The following HEPACAM2 variants were observed in gnomAD, a reference collection of about 807,000 sequenced individuals.
HEPACAM2 encodes the protein HEPACAM family member 2.
HEPACAM2 carries 49 observed loss-of-function variants against 49.6 expected under a neutral mutation model. The ratio of observed to expected loss-of-function variants is 0.99; its 90% CI spans 0.78 to 1.25. The LOEUF (loss-of-function observed/expected upper bound fraction) is 1.25. HEPACAM2 is among the 50% of genes most tolerant of loss of function. The probability of loss-of-function intolerance (pLI) is 0.00; values close to 1 mark genes in which losing one functional copy is unlikely to be tolerated. For synonymous variants in HEPACAM2, 197 were observed against 202.9 expected, an observed-to-expected ratio of 0.97 and a Z score of 0.25; for missense variants, 525 against 557.2, an observed-to-expected ratio of 0.94 and a Z score of 0.58.
At chr7:93,222,461 G>T (rs1369484133) in intron 1 of HEPACAM2, among the ~76,000 whole-genome samples, 2 of 151,796 alleles carry the variant, frequency 1.3e-5, no homozygotes, top group East Asian at 3.9e-4. Context: ...CCTGATCTTG[G>T]ACTCCCATGT....
chr7:93,192,988 G>T (rs771629321), intron 8 of HEPACAM2, among the ~76,000 whole-genome samples: 9 of 152,054 alleles, frequency 5.9e-5, no homozygotes, highest in Non-Finnish European at 1.3e-4. Context: ...TGGTATTTGT[G>T]TTTTATTAAT....
chr7:93,208,535 G>T (rs1436260035), intron 4 of HEPACAM2, 45 bp downstream of exon 4: 1 of 1,520,128 alleles, frequency 6.6e-7, no homozygotes. Flanking sequence ...AGGCCAGCAT[G>T]CATTCATGTT....
At chr7:93,199,264 TA>T (rs1793818043) in intron 4 of HEPACAM2, among the ~76,000 whole-genome samples, 2 of 152,102 alleles carry the variant, frequency 1.3e-5, no homozygotes, top group Non-Finnish European at 2.9e-5. Context: ...CTAGAAGAAA[TA>T]AATGCAAGGC....
In HEPACAM2 at chr7:93,226,412, T is replaced by A; in HGVS notation, c.35A>T (p.Asp12Val). ...GQDAFMEPFGDTLGVFQCKIY... is the reference protein window; with the variant it reads ...GQDAFMEPFGVTLGVFQCKIY... ...TTTGCACTGAAAGACCCCAAGTGTG[T>A]CACCGAAGGGCTCCATGAAAGCATC... Residue 12 changes from aspartate to valine, a missense_variant, in exon 1 of 10, where the codon GAC (aspartate) becomes GTC (valine). Asp to Val is a radical substitution (Grantham distance 152). Transcript: ENST00000394468. 1 of 1,613,506 alleles carries A rather than the reference T, an allele frequency of 6.2e-7. No individual in the cohort carries two copies. The highest frequency in any genetic ancestry group is 8.5e-7 in the Non-Finnish European group (1 of 1,179,656).
At chr7:93,212,509 C>A (rs187125562) in intron 3 of HEPACAM2, among the ~76,000 whole-genome samples, 3 of 150,566 alleles carry the variant, frequency 2.0e-5, no homozygotes, top group East Asian at 1.9e-4. Context: ...AAGAAATGCA[C>A]GGTTTTTTTT....
At chr7:93,192,492 A>G (rs1460189536) in intron 8 of HEPACAM2, 129 bp from the exon 9 acceptor site, 1 of 681,744 alleles carries the variant, frequency 1.5e-6, no homozygotes, top group Non-Finnish European at 2.5e-6. Flanking sequence ...TCTTCCCTAG[A>G]AAGTTGACTT....
intron 4 of HEPACAM2, among the ~76,000 whole-genome samples, chr7:93,202,345 TAAAG>T (rs981709698): frequency 1.3e-5 from 2 of 151,978 alleles, no homozygotes; most frequent in African/African-American, 4.8e-5. Context: ...CAGTTACAGA[TAAAG>T]AAAGAGTCTC....
chr7:93,196,264 TA>T (rs1288312251), intron 7 of HEPACAM2, among the ~76,000 whole-genome samples: 1 of 152,162 alleles, frequency 6.6e-6, no homozygotes, highest in Non-Finnish European at 1.5e-5. Flanking sequence ...CCACCCGTAA[TA>T]TCTACTGCAC....
chr7:93,189,094 A>T lies in HEPACAM2; in HGVS notation c.*173T>A, dbSNP rs1212859602. On this transcript the variant is annotated 3_prime_UTR_variant, in exon 10 of 10. Transcript: ENST00000394468. ...ACAAGACATTGTGTATATGCTGAAA[A>T]ACCTGCAGTTCAATTTGCATAAATG... 2 of 525,796 alleles carry T rather than the reference A, an allele frequency of 3.8e-6. No homozygotes were observed. The highest frequency in any genetic ancestry group is 6.7e-6 in the Non-Finnish European group (2 of 297,586). 32.6% of individuals were successfully genotyped at this position (525,796 alleles called of 1,614,324 possible). A position where few individuals can be genotyped will look rare whatever the true frequency, so the allele number is the denominator to read the frequency against.
At chr7:93,223,425 AAATAC>A (rs1794486487) in intron 1 of HEPACAM2, among the ~76,000 whole-genome samples, 1 of 152,158 alleles carries the variant, frequency 6.6e-6, no homozygotes. Context: ...ATGAAATATT[AAATAC>A]AATACAAATA....
chr7:93,218,775 T>C (rs1404690160), intron 2 of HEPACAM2, among the ~76,000 whole-genome samples: 1 of 152,096 alleles, frequency 6.6e-6, no homozygotes, highest in African/African-American at 2.4e-5. Flanking sequence ...GTACAGTCTA[T>C]TGTTGAGAAA....
chr7:93,198,813 C>T (rs1298651342), intron 4 of HEPACAM2, among the ~76,000 whole-genome samples: 10 of 152,074 alleles, frequency 6.6e-5, no homozygotes, highest in Non-Finnish European at 1.2e-4. Flanking sequence ...TGTCATCTTT[C>T]ATCATAAAAT....
intron 1 of HEPACAM2, among the ~76,000 whole-genome samples, chr7:93,224,892 T>A (rs891552389): frequency 2.0e-5 from 3 of 152,306 alleles, no homozygotes; most frequent in Non-Finnish European, 2.9e-5. Context: ...TTTTTAAAAA[T>A]TTTTTAAAAA....
chr7:93,200,065 T>A (rs1793841377), intron 4 of HEPACAM2, among the ~76,000 whole-genome samples: 1 of 152,042 alleles, frequency 6.6e-6, no homozygotes, highest in Admixed American at 6.6e-5. Context: ...ATACAAATAG[T>A]CATATGAAAA....
chr7:93,231,437 T>C (rs1032823144), upstream of HEPACAM2, among the ~76,000 whole-genome samples: 1 of 152,236 alleles, frequency 6.6e-6, no homozygotes, highest in African/African-American at 2.4e-5. Context: ...AATTTCGCCA[T>C]ACCTGCTTCG....
upstream of HEPACAM2, among the ~76,000 whole-genome samples, chr7:93,229,135 A>C (rs557479780): frequency 6.6e-6 from 1 of 152,294 alleles, no homozygotes; most frequent in African/African-American, 2.4e-5. Flanking sequence ...AACAGTGGGG[A>C]ATAAGAACTG....
rs1026002092 is a variant in HEPACAM2 at position 93,196,016 on chromosome 7, G to T, written c.1202-115C>A. On this transcript the variant is annotated intron_variant, in intron 7 of 9. Coordinates refer to ENST00000394468, the MANE Select transcript of HEPACAM2 (RefSeq NM_001039372.4). ...GTTTTAAATGGTATAGGTACAAAAT[G>T]AATTTAACATTTCCTAATTCCTATA... 2.0e-5 allele frequency: 14 copies of T among 700,008 alleles called. No homozygotes were observed. In the Middle Eastern group the frequency reaches 1.1e-3, roughly 53 times the overall value. 43.4% of individuals were successfully genotyped at this position (700,008 alleles called of 1,614,324 possible). A position where few individuals can be genotyped will look rare whatever the true frequency, so the allele number is the denominator to read the frequency against.
At chr7:93,190,917 A>G (rs1793527760) in intron 9 of HEPACAM2, among the ~76,000 whole-genome samples, 1 of 152,002 alleles carries the variant, frequency 6.6e-6, no homozygotes, top group South Asian at 2.1e-4. Flanking sequence ...CCAAGTTGTC[A>G]TTTGGTTTGT....
chr7:93,215,743 C>T (rs1794294232), intron 2 of HEPACAM2, 58 bp from the exon 3 acceptor site: 6 of 1,521,666 alleles, frequency 3.9e-6, no homozygotes, highest in Admixed American at 1.9e-5. Context: ...ATAATAAAAC[C>T]CTATGAGGTC....
Sources: gnomAD v4.1 joint callset for allele counts (sites outside exome capture counted in the v4.1 genomes callset) on GRCh38, gnomAD v4.1.1 for gene constraint, MANE v1.5 for transcripts, NCBI Gene and HGNC (gene_info 2026-07-23, HGNC 2026-07-21) for gene names.